HESX1: variants seen among roughly 807,000 people sequenced by gnomAD.
HESX1 encodes homeobox expressed in ES cells 1.
HESX1 carries 11 observed loss-of-function variants against 22.5 expected under a neutral mutation model. That is an observed-to-expected ratio of 0.49 (90% CI 0.31 to 0.81). The LOEUF (loss-of-function observed/expected upper bound fraction) is 0.81, where lower values mean the gene tolerates loss of function less well. Ranked by LOEUF, HESX1 falls within the 30% of genes least tolerant of loss-of-function variation. The pLI, the probability that HESX1 is intolerant of heterozygous loss-of-function variation, is 0.05. For missense variants in HESX1, 201 were observed against 212.6 expected, an observed-to-expected ratio of 0.95 and a Z score of 0.34; for synonymous variants, 74 against 76.5, an observed-to-expected ratio of 0.97 and a Z score of 0.17.
intron 1 of HESX1, among the ~76,000 whole-genome samples, chr3:57,225,051 A>G (rs2060634658): frequency 6.6e-6 from 1 of 152,196 alleles, no homozygotes. Flanking sequence ...CATTTCCTGT[A>G]TGAAAGAAAA....
intron 1 of HESX1, among the ~76,000 whole-genome samples, chr3:57,208,606 T>G (rs571052846): frequency 6.8e-6 from 1 of 147,342 alleles, no homozygotes; most frequent in South Asian, 2.4e-4. Flanking sequence ...CACCTTGGCC[T>G]CCCAAAGTGC....
chr3:57,206,228 G>T (rs188079286), intron 1 of HESX1, among the ~76,000 whole-genome samples: 1 of 152,096 alleles, frequency 6.6e-6, no homozygotes, highest in Non-Finnish European at 1.5e-5. Context: ...ACAAAACAGT[G>T]CTTAGCTCAT....
At chr3:57,227,350 T>A (rs1479267309), upstream of HESX1, among the ~76,000 whole-genome samples, 1 of 151,842 alleles carries the variant, frequency 6.6e-6, no homozygotes, top group Non-Finnish European at 1.5e-5. Context: ...TCGAGCGGAG[T>A]TGGGAATGTT....
At chr3:57,201,255 A>G (rs1164353277), upstream of HESX1, among the ~76,000 whole-genome samples, 1 of 152,172 alleles carries the variant, frequency 6.6e-6, no homozygotes, top group Non-Finnish European at 1.5e-5. Context: ...CACATGCAAA[A>G]CATCAACAGG....
At chr3:57,198,662 A>C in intron 2 of HESX1, 91 bp downstream of exon 2, 1 of 1,232,928 alleles carries the variant, frequency 8.1e-7, no homozygotes, top group Non-Finnish European at 1.2e-6. Context: ...TAAGGCTTCT[A>C]AACTGAGATA....
At chr3:57,201,367 A>T (rs187878240), upstream of HESX1, among the ~76,000 whole-genome samples, 2 of 152,086 alleles carry the variant, frequency 1.3e-5, no homozygotes, top group Non-Finnish European at 2.9e-5. Flanking sequence ...TGAGATGTAG[A>T]TTGTGCAAAG....
intron 1 of HESX1, among the ~76,000 whole-genome samples, chr3:57,216,544 C>T (rs114166311): frequency 0.024 from 3,647 of 152,130 alleles, 68 homozygotes; most frequent in South Asian, 0.04. Flanking sequence ...CCCAGGAGGT[C>T]GAGGCTGCAG....
chr3:57,225,043 T>C (rs2060634585), intron 1 of HESX1, among the ~76,000 whole-genome samples: 5 of 152,224 alleles, frequency 3.3e-5, no homozygotes. Context: ...ACAAGCCTCA[T>C]TTCCTGTATG....
At chr3:57,218,160 A>C (rs1559501887) in intron 1 of HESX1, among the ~76,000 whole-genome samples, 1 of 152,112 alleles carries the variant, frequency 6.6e-6, no homozygotes, top group Non-Finnish European at 1.5e-5. Flanking sequence ...ACATAGTTAA[A>C]CCTGTGTCAT....
chr3:57,201,193 A>G (rs1192209003), upstream of HESX1, among the ~76,000 whole-genome samples: 1 of 152,206 alleles, frequency 6.6e-6, no homozygotes, highest in African/African-American at 2.4e-5. Flanking sequence ...TGATCTCACA[A>G]ATATTGAGCT....
chr3:57,214,141 AGGTGAAATTTCATGAT>A (rs1366019113), intron 1 of HESX1, among the ~76,000 whole-genome samples: 1 of 152,208 alleles, frequency 6.6e-6, no homozygotes, highest in African/African-American at 2.4e-5. Flanking sequence ...AAGTATTTAC[AGGTGAAATTTCATGAT>A]GTCTGGGTTT....
upstream of HESX1, among the ~76,000 whole-genome samples, chr3:57,202,214 C>T (rs1201116258): frequency 6.6e-6 from 1 of 151,878 alleles, no homozygotes. Flanking sequence ...CCACCACGCC[C>T]GGCTGGATTT....
At chr3:57,209,747 A>G (rs1215849502) in intron 1 of HESX1, among the ~76,000 whole-genome samples, 1 of 152,034 alleles carries the variant, frequency 6.6e-6, no homozygotes, top group African/African-American at 2.4e-5. Context: ...TTGTTCTGAC[A>G]TAAGAACAGT....
intron 1 of HESX1, among the ~76,000 whole-genome samples, chr3:57,213,883 T>C (rs1273215673): frequency 6.6e-6 from 1 of 152,214 alleles, no homozygotes; most frequent in East Asian, 1.9e-4. Flanking sequence ...ATCGTGCCAC[T>C]GTACTCCAGC....
chr3:57,202,414 CA>C (rs2060495701), upstream of HESX1, among the ~76,000 whole-genome samples: 1 of 152,062 alleles, frequency 6.6e-6, no homozygotes, highest in Admixed American at 6.6e-5. Flanking sequence ...CGGCTCACTG[CA>C]ACCTCCACCT....
At chr3:57,216,959 T>G (rs987488471) in intron 1 of HESX1, among the ~76,000 whole-genome samples, 11 of 152,206 alleles carry the variant, frequency 7.2e-5, no homozygotes, top group African/African-American at 2.7e-4. Flanking sequence ...GGTTATAATC[T>G]CATTATTTAT....
chr3:57,202,144 A>G (rs1046978672), upstream of HESX1, among the ~76,000 whole-genome samples: 4 of 151,588 alleles, frequency 2.6e-5, no homozygotes, highest in Non-Finnish European at 5.9e-5. Context: ...TGGTCTCGAT[A>G]TCCTGACCTC....
upstream of HESX1, among the ~76,000 whole-genome samples, chr3:57,201,608 A>G (rs2060486815): frequency 6.7e-6 from 1 of 149,604 alleles, no homozygotes; most frequent in Non-Finnish European, 1.5e-5. Flanking sequence ...CTAGTATGTT[A>G]GCCAGGGTAA....
chr3:57,200,592 T>G (rs563916232), upstream of HESX1, among the ~76,000 whole-genome samples: 6 of 152,328 alleles, frequency 3.9e-5, no homozygotes, highest in East Asian at 1.2e-3. Flanking sequence ...AGTGCCTGGA[T>G]TAATTCATAG....
Sources: gnomAD v4.1 joint callset for allele counts (sites outside exome capture counted in the v4.1 genomes callset) on GRCh38, gnomAD v4.1.1 for gene constraint, MANE v1.5 for transcripts, NCBI Gene and HGNC (gene_info 2026-07-23, HGNC 2026-07-21) for gene names.